Variants in RAB5C observed in about 807,000 individuals in gnomAD.
RAB5C encodes ras-related protein Rab-5C.
In RAB5C, 4 loss-of-function variants were observed where a neutral mutation model predicts 25.2. The ratio of observed to expected loss-of-function variants is 0.16; its 90% CI spans 0.08 to 0.36. The LOEUF is 0.36. RAB5C is among the 10% of genes least tolerant of loss of function. RAB5C has a pLI of 1.00. For missense variants in RAB5C, 199 were observed against 283.8 expected, an observed-to-expected ratio of 0.70 and a Z score of 2.15; for synonymous variants, 100 against 106.4, an observed-to-expected ratio of 0.94 and a Z score of 0.37.
chr17:42,126,901 G>C (rs2054432193), intron 4 of RAB5C, 53 bp from the exon 5 acceptor site: 2 of 1,113,290 alleles, frequency 1.8e-6, no homozygotes, highest in Non-Finnish European at 2.7e-6. Flanking sequence ...GCAGGGGCCA[G>C]GGCCCAGGGC....
chr17:42,132,673 G>A (rs1257434305), intron 1 of RAB5C, among the ~76,000 whole-genome samples: 1 of 151,878 alleles, frequency 6.6e-6, no homozygotes, highest in Non-Finnish European at 1.5e-5. Context: ...ACCACACCCA[G>A]CTAATTAAAA....
chr17:42,151,308 G>A (rs550720871), intron 1 of RAB5C, among the ~76,000 whole-genome samples: 1 of 152,190 alleles, frequency 6.6e-6, no homozygotes, highest in Admixed American at 6.5e-5. Context: ...GTGGTGGTGG[G>A]CACCTGTAGT....
chr17:42,127,662 G>A (rs731152), intron 4 of RAB5C, among the ~76,000 whole-genome samples: 53,631 of 150,608 alleles, frequency 0.36, 12,850 homozygotes, highest in African/African-American at 0.69. Flanking sequence ...TCCCCACCTC[G>A]GCCTCCTGAG....
chr17:42,128,441 C>T, intron 3 of RAB5C, 58 bp from the exon 4 acceptor site: 2 of 1,555,640 alleles, frequency 1.3e-6, no homozygotes, highest in Non-Finnish European at 1.7e-6. Context: ...CCCAGGGCCA[C>T]CCATTAGAGA....
intron 1 of RAB5C, chr17:42,131,814 T>G: frequency 4.0e-5 from 21 of 531,156 alleles, no homozygotes; most frequent in Non-Finnish European, 4.7e-5. Context: ...AGCCTATCTC[T>G]AGAAGCCTCT....
At chr17:42,145,383 A>C (rs1266194458) in intron 1 of RAB5C, among the ~76,000 whole-genome samples, 1 of 152,124 alleles carries the variant, frequency 6.6e-6, no homozygotes, top group Non-Finnish European at 1.5e-5. Context: ...ATCATGGTTG[A>C]CATCAGTCAT....
At chr17:42,150,596 G>A (rs2079664601) in intron 1 of RAB5C, among the ~76,000 whole-genome samples, 1 of 142,442 alleles carries the variant, frequency 7.0e-6, no homozygotes, top group Non-Finnish European at 1.5e-5. Flanking sequence ...GGTGGCTCAT[G>A]CTTGTAATCC....
At chr17:42,132,807 T>C (rs1434131176) in intron 1 of RAB5C, among the ~76,000 whole-genome samples, 1 of 152,088 alleles carries the variant, frequency 6.6e-6, no homozygotes, top group Middle Eastern at 3.2e-3. Flanking sequence ...TGCACAACTA[T>C]TATCTCCTTC....
intron 1 of RAB5C, among the ~76,000 whole-genome samples, chr17:42,132,313 CA>C (rs1358697539): frequency 6.6e-6 from 1 of 152,182 alleles, no homozygotes; most frequent in East Asian, 1.9e-4. Flanking sequence ...ACCTCTTCCC[CA>C]AAAGTACAAG....
intron 4 of RAB5C, 143 bp downstream of exon 4, chr17:42,128,118 A>G: frequency 2.4e-6 from 3 of 1,227,126 alleles, no homozygotes; most frequent in Non-Finnish European, 3.3e-6. Flanking sequence ...TGTTAGGCCC[A>G]TGCCTGAGGC....
chr17:42,131,669 G>A, intron 1 of RAB5C: 1 of 1,497,248 alleles, frequency 6.7e-7, no homozygotes, highest in Non-Finnish European at 9.0e-7. Flanking sequence ...CAGGAGGTGT[G>A]GGAGGGCAGA....
chr17:42,140,823 GCT>G (rs2079599163), intron 1 of RAB5C, among the ~76,000 whole-genome samples: 1 of 150,340 alleles, frequency 6.7e-6, no homozygotes, highest in African/African-American at 2.4e-5. Context: ...ACCACACCCA[GCT>G]CTTTTTTCTA....
Position 42,128,294 on chromosome 17 carries a change from T to C in RAB5C, c.408A>G (p.Ala136=), listed in dbSNP as rs1838154258. 3.7e-6 allele frequency: 6 copies of C among 1,613,974 alleles called. No individual in the cohort carries two copies. The South Asian group carries it at 5.5e-5, about 15-fold the overall frequency. ...NIVIALAGNK[A]DLASKRAVEF... ...CCACGGCTCTCTTGCTGGCCAGGTC[T>C]GCCTTGTTACCCGCGAGTGCAATGA... Residue 136 remains alanine (A), a synonymous_variant, in exon 4 of 6, where the codon GCA becomes GCG. Transcript: ENST00000346213.
chr17:42,143,091 G>A (rs1386306886), intron 1 of RAB5C, among the ~76,000 whole-genome samples: 1 of 152,218 alleles, frequency 6.6e-6, no homozygotes, highest in East Asian at 1.9e-4. Flanking sequence ...ATGAATGGGT[G>A]AGTAGAACAA....
intron 1 of RAB5C, among the ~76,000 whole-genome samples, chr17:42,152,901 C>T (rs527541236): frequency 1.3e-5 from 2 of 152,274 alleles, no homozygotes; most frequent in South Asian, 2.1e-4. Context: ...TGACAAACTG[C>T]GGTCTACTCC....
At chr17:42,143,671 C>T (rs1000313219) in intron 1 of RAB5C, among the ~76,000 whole-genome samples, 1 of 152,090 alleles carries the variant, frequency 6.6e-6, no homozygotes, top group Non-Finnish European at 1.5e-5. Context: ...AAGAAGTAAC[C>T]AAAAACCAAA....
At position 42,125,575 on chromosome 17, in the gene RAB5C, C is replaced by G. The variant is rs1379055044; in HGVS notation, c.*208G>C. 1.9e-6 allele frequency: 1 copy of G among 540,150 alleles called. No homozygotes were observed. Among genetic ancestry groups the G allele is most frequent in the Non-Finnish European group, 3.3e-6 (1 of 304,310 alleles). 33.5% of individuals were successfully genotyped at this position (540,150 alleles called of 1,614,324 possible). The stretch of plus-strand genomic sequence containing the variant: ...TATATATTAAAAAAGTGACTTAAGA[C>G]TTAAAATTGAATTAGTATTTGTACA... On this transcript the variant is annotated 3_prime_UTR_variant, in exon 6 of 6. Transcript: ENST00000346213.
intron 1 of RAB5C, among the ~76,000 whole-genome samples, chr17:42,140,868 G>A (rs1238564182): frequency 6.6e-6 from 1 of 151,912 alleles, no homozygotes; most frequent in Admixed American, 6.6e-5. Context: ...TTGCTCTGCT[G>A]CCCAGGTTGG....
intron 2 of RAB5C, among the ~76,000 whole-genome samples, chr17:42,129,656 C>A (rs190720890): frequency 5.9e-5 from 9 of 152,346 alleles, no homozygotes; most frequent in Admixed American, 1.3e-4. Context: ...CAGCTCCTGA[C>A]CCAAATGCTG....
Sources: gnomAD v4.1 joint callset for allele counts (sites outside exome capture counted in the v4.1 genomes callset) on GRCh38, gnomAD v4.1.1 for gene constraint, MANE v1.5 for transcripts, NCBI Gene and HGNC (gene_info 2026-07-23, HGNC 2026-07-21) for gene names.